ARB2A: variants seen among roughly 807,000 people sequenced by gnomAD.
The protein encoded by ARB2A is cotranscriptional regulator ARB2A.
chr5:93,723,390 G>A, the ARB2A span, among the ~76,000 whole-genome samples: 1 of 152,076 alleles, frequency 6.6e-6, no homozygotes, highest in Non-Finnish European at 1.5e-5. Flanking sequence ...GTAGAGAAAG[G>A]TTATCTCTAA....
chr5:94,069,645 T>C, the ARB2A span, among the ~76,000 whole-genome samples: 8 of 152,114 alleles, frequency 5.3e-5, no homozygotes, highest in Admixed American at 4.6e-4. Context: ...TAAACATTTC[T>C]AAAAAGAAGG....
the ARB2A span, among the ~76,000 whole-genome samples, chr5:93,951,593 T>C: frequency 6.6e-6 from 1 of 152,206 alleles, no homozygotes; most frequent in Admixed American, 6.5e-5. Context: ...CTTTCTCCAA[T>C]GTATATTCTT....
the ARB2A span, among the ~76,000 whole-genome samples, chr5:94,059,521 C>T: frequency 1.4e-5 from 2 of 144,856 alleles, no homozygotes; most frequent in East Asian, 2.1e-4. Flanking sequence ...CTTGGGAGGC[C>T]GAGGCAGGAG....
chr5:94,100,758 C>T, the ARB2A span, among the ~76,000 whole-genome samples: 615 of 152,228 alleles, frequency 4.0e-3, 4 homozygotes, highest in African/African-American at 0.014. Flanking sequence ...AATCTGGACC[C>T]CTTCCTTATA....
chr5:93,742,897 C>A, the ARB2A span: 1 of 152,172 alleles, frequency 6.6e-6, no homozygotes, highest in Non-Finnish European at 1.5e-5. Flanking sequence ...ATTATCCACA[C>A]TTCTAAACCT....
At chr5:93,811,547 G>C in the ARB2A span, among the ~76,000 whole-genome samples, 33 of 152,098 alleles carry the variant, frequency 2.2e-4, no homozygotes, top group East Asian at 3.5e-3. Flanking sequence ...TTGTCTGAGG[G>C]TTAAAAGTCA....
the ARB2A span, among the ~76,000 whole-genome samples, chr5:94,068,347 C>T: frequency 1.1e-4 from 16 of 152,352 alleles, no homozygotes; most frequent in South Asian, 2.1e-3. Context: ...ACAACGGACA[C>T]CTGCCAGATC....
the ARB2A span, among the ~76,000 whole-genome samples, chr5:94,064,067 C>T: frequency 4.0e-5 from 6 of 151,668 alleles, no homozygotes; most frequent in East Asian, 9.7e-4. Flanking sequence ...CAGTAAGATA[C>T]AAGGGAATAC....
chr5:93,991,775 TG>T, the ARB2A span, among the ~76,000 whole-genome samples: 7 of 152,082 alleles, frequency 4.6e-5, no homozygotes, highest in Admixed American at 6.6e-5. Flanking sequence ...CAGTAACCAG[TG>T]GGACAATGAC....
chr5:93,976,918 G>C, the ARB2A span, among the ~76,000 whole-genome samples: 989 of 151,798 alleles, frequency 6.5e-3, 4 homozygotes, highest in Middle Eastern at 0.017. Flanking sequence ...TCTCAGGACG[G>C]AAAATCGAAA....
the ARB2A span, chr5:93,804,870 G>T: frequency 1.9e-5 from 16 of 826,014 alleles, no homozygotes; most frequent in African/African-American, 3.0e-4. Context: ...TACATATACT[G>T]CAAGTTAAAA....
At chr5:93,652,591 A>G in the ARB2A span, among the ~76,000 whole-genome samples, 1 of 152,200 alleles carries the variant, frequency 6.6e-6, no homozygotes, top group Non-Finnish European at 1.5e-5. Flanking sequence ...ATGGTACTCT[A>G]GATTTGTTGG....
At chr5:94,010,973 C>G in the ARB2A span, among the ~76,000 whole-genome samples, 1 of 152,134 alleles carries the variant, frequency 6.6e-6, no homozygotes, top group Non-Finnish European at 1.5e-5. Flanking sequence ...TATAAGGTAA[C>G]AAAATCTGTC....
the ARB2A span, among the ~76,000 whole-genome samples, chr5:94,103,664 C>T: frequency 6.6e-6 from 1 of 151,800 alleles, no homozygotes; most frequent in South Asian, 2.1e-4. Flanking sequence ...GACATTTGAC[C>T]AAATGGCCCT....
At chr5:94,009,553 A>G in the ARB2A span, among the ~76,000 whole-genome samples, 51 of 152,062 alleles carry the variant, frequency 3.4e-4, no homozygotes, top group African/African-American at 1.2e-3. Flanking sequence ...ATTTTTTCTC[A>G]TATTAAAACC....
the ARB2A span, among the ~76,000 whole-genome samples, chr5:93,810,368 C>T: frequency 5.9e-5 from 9 of 152,018 alleles, no homozygotes; most frequent in Admixed American, 5.2e-4. Context: ...TAGAGTTAAA[C>T]TTAGGTTGTA....
the ARB2A span, chr5:93,683,219 T>C: frequency 7.7e-3 from 10,533 of 1,361,788 alleles, 52 homozygotes; most frequent in Non-Finnish European, 9.5e-3. Context: ...CTCTTCATCA[T>C]CATCGTCATC....
chr5:93,720,644 G>C, the ARB2A span, among the ~76,000 whole-genome samples: 1 of 152,108 alleles, frequency 6.6e-6, no homozygotes, highest in Non-Finnish European at 1.5e-5. Flanking sequence ...CCAAGAAACT[G>C]GTCTGCATAA....
chr5:93,865,480 T>C, the ARB2A span: 54 of 985,138 alleles, frequency 5.5e-5, no homozygotes, highest in Non-Finnish European at 6.5e-5. Context: ...TCGATGAAGG[T>C]ATACTAAGAC....
Sources: allele counts gnomAD v4.1 joint callset (sites outside exome capture counted in the v4.1 genomes callset), GRCh38; gene constraint gnomAD v4.1.1; transcripts MANE v1.5; gene names NCBI Gene and HGNC (gene_info 2026-07-23, HGNC 2026-07-21).